Variants in WDFY4 observed in about 807,000 individuals in gnomAD.
WDFY4 encodes WDFY family member 4.
WDFY4 carries 169 observed loss-of-function variants against 351.9 expected under a neutral mutation model. That is an observed-to-expected ratio of 0.48 (90% CI 0.42 to 0.55). The LOEUF (loss-of-function observed/expected upper bound fraction) is 0.55, where lower values mean the gene tolerates loss of function less well. WDFY4 is among the 20% of genes least tolerant of loss of function. The pLI is 0.00. For missense variants in WDFY4, 3,803 were observed against 3,935.6 expected (o/e 0.97, Z 0.90); for synonymous variants, 1,622 against 1,574.6 (o/e 1.03, Z -0.71).
At chr10:48,719,454 T>A (rs922532986) in intron 2 of WDFY4, among the ~76,000 whole-genome samples, 1 of 152,234 alleles carries the variant, frequency 6.6e-6, no homozygotes, top group Admixed American at 6.5e-5. Flanking sequence ...GAGAGTCTAA[T>A]CTGCTCAACT....
intron 41 of WDFY4, 24 bp downstream of exon 41, chr10:48,873,721 A>C (rs1459067658): frequency 1.3e-6 from 2 of 1,550,442 alleles, no homozygotes; most frequent in Non-Finnish European, 1.7e-6. Flanking sequence ...GCAGTGGGAC[A>C]GTGCTGGTTC....
intron 24 of WDFY4, chr10:48,802,606 A>G (rs947252174): frequency 4.1e-5 from 18 of 437,138 alleles, no homozygotes; most frequent in South Asian, 1.9e-4. Context: ...GCATCCATCA[A>G]TTCTGCCCCA....
At position 48,915,527 on chromosome 10, in the gene WDFY4, C is replaced by T. The variant is rs547435713; in HGVS notation, c.7586+13664C>T. 2.6e-5 allele frequency among the ~76,000 whole-genome samples: 4 copies of T among 152,214 alleles called. No homozygotes were observed. In the South Asian group the frequency reaches 8.3e-4, roughly 32 times the overall value. ...GGGATGGGCAGGGAGAGGTGCTCTACAGTTTCTGTACTTCATCACCTGTAC... is the reference window on the plus strand; with the variant it reads ...GGGATGGGCAGGGAGAGGTGCTCTATAGTTTCTGTACTTCATCACCTGTAC... On this transcript the variant is annotated intron_variant, in intron 47 of 61. Coordinates refer to ENST00000325239, the MANE Select transcript of WDFY4 (RefSeq NM_001394531.1).
At chr10:48,805,973 C>T (rs1054751586) in intron 26 of WDFY4, 31 bp from the exon 27 acceptor site, 27 of 1,548,018 alleles carry the variant, frequency 1.7e-5, no homozygotes, top group East Asian at 9.8e-5. Flanking sequence ...AGCCCGCCTG[C>T]GAGCCTGTCC....
intron 47 of WDFY4, among the ~76,000 whole-genome samples, chr10:48,928,761 C>T (rs1589922847): frequency 6.6e-6 from 1 of 152,196 alleles, no homozygotes; most frequent in Non-Finnish European, 1.5e-5. Context: ...CCTGTGGCAG[C>T]TTTGCTGACC....
intron 10 of WDFY4, among the ~76,000 whole-genome samples, chr10:48,735,182 A>G (rs934547504): frequency 1.3e-5 from 2 of 152,136 alleles, no homozygotes; most frequent in Admixed American, 1.3e-4. Flanking sequence ...TCAAATCTCC[A>G]TCAAGCCATT....
chr10:48,774,569 T>A lies in WDFY4; in HGVS notation c.2665T>A (p.Ser889Thr). 1 of 1,551,420 alleles carries A rather than the reference T, an allele frequency of 6.4e-7. No individual in the cohort carries two copies. The highest frequency in any genetic ancestry group is 8.7e-7 in the Non-Finnish European group (1 of 1,146,942). The change falls in exon 14 of 62, where the codon TCC becomes ACC. Residue 889 changes from serine to threonine, a missense_variant. Transcript: ENST00000325239. ...EAGLLGTLMA[S>T]CHRALVTSGS... ...AGGCTTGCTTGGGACCCTCATGGCC[T>A]CCTGCCACAGGGCCCTGGTCACCAG...
intron 29 of WDFY4, 135 bp from the exon 30 acceptor site, chr10:48,811,404 T>C (rs964634113): frequency 8.3e-6 from 6 of 722,972 alleles, no homozygotes; most frequent in South Asian, 1.9e-5. Context: ...CTCCCATCTA[T>C]GTGTGAATAT....
chr10:48,858,331 A>C (rs1345505919), intron 39 of WDFY4, among the ~76,000 whole-genome samples: 6 of 152,300 alleles, frequency 3.9e-5, no homozygotes, highest in Middle Eastern at 3.4e-3. Context: ...ATTTTTTCCT[A>C]AAATATGTAT....
intron 35 of WDFY4, 55 bp downstream of exon 35, chr10:48,822,592 G>A: frequency 7.1e-7 from 1 of 1,415,012 alleles, no homozygotes; most frequent in Non-Finnish European, 9.3e-7. Context: ...TGTGCTCCTG[G>A]CTATTGTCCA....
intron 23 of WDFY4, among the ~76,000 whole-genome samples, chr10:48,794,179 G>A (rs991881426): frequency 6.6e-6 from 1 of 152,148 alleles, no homozygotes; most frequent in Non-Finnish European, 1.5e-5. Flanking sequence ...ACAGGGAAAC[G>A]GACTGACAGA....
At chr10:48,931,105 ACACAC>A (rs1839975440) in intron 47 of WDFY4, among the ~76,000 whole-genome samples, 1 of 3,976 alleles carries the variant, frequency 2.5e-4, no homozygotes, top group African/African-American at 2.7e-4. Flanking sequence ...AAACACACAC[ACACAC>A]ACACACACAC....
intron 12 of WDFY4, among the ~76,000 whole-genome samples, chr10:48,753,914 C>CT (rs2065254705): frequency 6.6e-6 from 1 of 152,140 alleles, no homozygotes; most frequent in African/African-American, 2.4e-5. Flanking sequence ...CATAAATGCC[C>CT]TTTATCATGT....
chr10:48,758,567 G>T (rs1276040306), intron 12 of WDFY4, among the ~76,000 whole-genome samples: 1 of 152,088 alleles, frequency 6.6e-6, no homozygotes, highest in Non-Finnish European at 1.5e-5. Context: ...TAGATCCTTT[G>T]TTACACATGA....
At chr10:48,975,969 C>T (rs1383410548) in intron 58 of WDFY4, among the ~76,000 whole-genome samples, 2 of 152,150 alleles carry the variant, frequency 1.3e-5, no homozygotes, top group Non-Finnish European at 2.9e-5. Context: ...AATATAAAAC[C>T]CATCAGGAAT....
intron 13 of WDFY4, among the ~76,000 whole-genome samples, chr10:48,770,964 A>G (rs1362548621): frequency 6.6e-6 from 1 of 152,202 alleles, no homozygotes; most frequent in African/African-American, 2.4e-5. Flanking sequence ...TCCCCCTGGA[A>G]AGTTAATCTA....
intron 13 of WDFY4, among the ~76,000 whole-genome samples, chr10:48,769,403 C>T (rs923170813): frequency 5.3e-5 from 8 of 152,274 alleles, no homozygotes; most frequent in Non-Finnish European, 1.0e-4. Context: ...CATCCGTAGG[C>T]CCCATTTATT....
intron 1 of WDFY4, among the ~76,000 whole-genome samples, chr10:48,704,598 C>T (rs540216233): frequency 1.2e-4 from 19 of 152,282 alleles, no homozygotes; most frequent in Admixed American, 3.9e-4. Context: ...CCTGTGTGAC[C>T]GGGTATAGTA....
At position 48,806,038 on chromosome 10, in the gene WDFY4, T is replaced by C. The variant is rs2067243176; in HGVS notation, c.4681T>C (p.Ser1561Pro). The C allele has an allele frequency of 1.3e-6, 2 of 1,551,652 alleles. No individual in the cohort carries two copies. Among genetic ancestry groups the C allele is most frequent in the East Asian group, 4.9e-5 (2 of 40,910 alleles). Residue 1561 changes from serine (S) to proline (P), a missense_variant, in exon 27 of 62, where the codon TCG (serine) becomes CCG (proline). By Grantham distance (74) the Ser-to-Pro change is moderately conservative. Around this residue, in one of 3 missense-constraint regions of WDFY4, gnomAD observed 3,054 missense variants for 3,148.6 expected, o/e 0.97. Coordinates refer to ENST00000325239, the MANE Select transcript of WDFY4 (RefSeq NM_001394531.1). ...GLFVVYTLKP[S>P]SVNERQICMD... ...GTTTGTTGTGTACACCCTCAAGCCT[T>C]CGTCGGTGAATGAGAGGCAGATCTG...
Sources: allele counts gnomAD v4.1 joint callset (sites outside exome capture counted in the v4.1 genomes callset), GRCh38; gene constraint gnomAD v4.1.1; regional missense constraint gnomAD v4.1.1; transcripts MANE v1.5; gene names NCBI Gene and HGNC (gene_info 2026-07-23, HGNC 2026-07-21).